Variants in GPHN observed in about 807,000 individuals in gnomAD.
The protein encoded by GPHN is gephyrin.
In GPHN, 17 loss-of-function variants were observed where a neutral mutation model predicts 95.5. The observed-to-expected ratio is 0.18, with a 90% CI of 0.12 to 0.27. GPHN has a LOEUF of 0.27. Ranked by LOEUF, GPHN falls within the 10% of genes least tolerant of loss-of-function variation. The pLI is 1.00. For synonymous variants in GPHN, 320 were observed against 322.5 expected (o/e 0.99, Z 0.08); for missense variants, 660 against 978.1 (o/e 0.67, Z 4.34).
chr14:67,654,174 G>A, the GPHN span, among the ~76,000 whole-genome samples: 1 of 152,106 alleles, frequency 6.6e-6, no homozygotes, highest in Non-Finnish European at 1.5e-5. Context: ...TGCTGCAATC[G>A]CAGCTCACTG....
At chr14:67,360,275 G>A in the GPHN span, 1 of 399,056 alleles carries the variant, frequency 2.5e-6, no homozygotes. Context: ...TATGGTTAAT[G>A]ATGAAGAGGG....
the GPHN span, among the ~76,000 whole-genome samples, chr14:67,375,082 C>T: frequency 6.6e-6 from 1 of 152,126 alleles, no homozygotes; most frequent in Non-Finnish European, 1.5e-5. Context: ...AGGATTATTT[C>T]TTTTTGCATT....
At chr14:66,834,210 G>A (rs941938128) in intron 4 of GPHN, among the ~76,000 whole-genome samples, 3 of 152,054 alleles carry the variant, frequency 2.0e-5, no homozygotes, top group African/African-American at 7.2e-5. Context: ...TTCTCCTTAA[G>A]TCCACTTACT....
At chr14:67,210,930 G>A in the GPHN span, among the ~76,000 whole-genome samples, 1 of 152,066 alleles carries the variant, frequency 6.6e-6, no homozygotes, top group Non-Finnish European at 1.5e-5. Context: ...AACCTGGGAG[G>A]TGGAGGTTGC....
the GPHN span, among the ~76,000 whole-genome samples, chr14:67,478,648 C>T: frequency 8.9e-4 from 135 of 152,348 alleles, no homozygotes; most frequent in African/African-American, 3.0e-3. Context: ...CTTCACAACT[C>T]GTCCCTGCCT....
At chr14:67,164,805 T>G (rs2082180159) in intron 19 of GPHN, among the ~76,000 whole-genome samples, 2 of 152,000 alleles carry the variant, frequency 1.3e-5, no homozygotes, top group African/African-American at 2.4e-5. Flanking sequence ...CTTCTGCTTT[T>G]AAGAATGATT....
At chr14:67,314,814 G>T in the GPHN span, among the ~76,000 whole-genome samples, 1 of 152,298 alleles carries the variant, frequency 6.6e-6, no homozygotes, top group South Asian at 2.1e-4. Flanking sequence ...TATGAGGCTG[G>T]CCCTGGTGGC....
In GPHN at chr14:67,110,202, C is replaced by T. The variant is rs1381885192; in HGVS notation, c.1356C>T (p.Cys452=). ...MRVTTGAPIP[C]GADAVVQVED... is the part of the protein sequence containing the mutation. ...TTACAACAGGTGCTCCAATACCCTG[C>T]GGTGCTGATGCAGTAGTACAAGTGG... is the stretch of plus-strand genomic sequence containing the variant. The change falls in exon 14 of 23, where the codon TGC becomes TGT. Residue 452 remains cysteine, a synonymous_variant. Coordinates refer to ENST00000478722, the MANE Select transcript of GPHN (RefSeq NM_020806.5). 22 of 1,611,382 alleles carry T rather than the reference C, an allele frequency of 1.4e-5. No individual in the cohort carries two copies. The highest frequency in any genetic ancestry group is 1.8e-5 in the Non-Finnish European group (21 of 1,177,636).
chr14:66,871,821 T>C (rs1292328733), intron 4 of GPHN, among the ~76,000 whole-genome samples: 1 of 152,098 alleles, frequency 6.6e-6, no homozygotes, highest in Admixed American at 6.6e-5. Context: ...AAATACCTAA[T>C]ACATGCAGAG....
At chr14:66,734,121 A>G (rs2072042928) in intron 2 of GPHN, among the ~76,000 whole-genome samples, 1 of 152,082 alleles carries the variant, frequency 6.6e-6, no homozygotes, top group Non-Finnish European at 1.5e-5. Context: ...CCTTTAATCC[A>G]TTCTCTATAT....
chr14:67,583,869 C>A, the GPHN span: 2 of 1,613,722 alleles, frequency 1.2e-6, no homozygotes, highest in South Asian at 2.2e-5. Context: ...ATGGGGCCCC[C>A]GCTGAACAGC....
the GPHN span, chr14:67,701,892 A>C: frequency 6.6e-6 from 1 of 152,282 alleles, no homozygotes; most frequent in African/African-American, 2.4e-5. Flanking sequence ...TCCTGGGCAC[A>C]AGCAATCCTC....
At chr14:66,676,852 C>A (rs757494150) in intron 1 of GPHN, among the ~76,000 whole-genome samples, 4 of 151,776 alleles carry the variant, frequency 2.6e-5, no homozygotes, top group Non-Finnish European at 4.4e-5. Context: ...GGAAGAATTT[C>A]CACCTTTTTA....
chr14:67,445,786 C>T, the GPHN span, among the ~76,000 whole-genome samples: 29 of 151,718 alleles, frequency 1.9e-4, no homozygotes, highest in Non-Finnish European at 1.6e-4. Context: ...GGGATTTTGC[C>T]ATGTTGCCCA....
chr14:66,801,381 T>C (rs751724609), intron 3 of GPHN, among the ~76,000 whole-genome samples: 3 of 152,222 alleles, frequency 2.0e-5, no homozygotes, highest in Non-Finnish European at 4.4e-5. Context: ...CTGAGTGTTA[T>C]AAGCTTTAGC....
intron 3 of GPHN, 141 bp from the exon 4 acceptor site, chr14:66,824,333 G>T: frequency 1.7e-6 from 1 of 599,868 alleles, no homozygotes; most frequent in Non-Finnish European, 3.1e-6. Flanking sequence ...ACTGTTCCAT[G>T]AATTGTGCTT....
chr14:66,560,307 T>C (rs969301885), intron 1 of GPHN, among the ~76,000 whole-genome samples: 1 of 152,230 alleles, frequency 6.6e-6, no homozygotes, highest in Non-Finnish European at 1.5e-5. Flanking sequence ...GGGGATGGCA[T>C]TGAATCTGTA....
chr14:66,546,268 A>G (rs1434810982), intron 1 of GPHN, among the ~76,000 whole-genome samples: 1 of 145,810 alleles, frequency 6.9e-6, no homozygotes, highest in African/African-American at 2.6e-5. Context: ...CCGGGCAGAG[A>G]CGCTCCTCAC....
intron 2 of GPHN, among the ~76,000 whole-genome samples, chr14:66,765,481 A>G (rs1384883860): frequency 1.3e-5 from 2 of 152,148 alleles, no homozygotes; most frequent in African/African-American, 2.4e-5. Flanking sequence ...CTTTGGAGCC[A>G]GAGGCTATTA....
Sources: gnomAD v4.1 joint callset for allele counts (sites outside exome capture counted in the v4.1 genomes callset) on GRCh38, gnomAD v4.1.1 for gene constraint, MANE v1.5 for transcripts, NCBI Gene and HGNC (gene_info 2026-07-23, HGNC 2026-07-21) for gene names.